PVT1: variants seen among roughly 807,000 people sequenced by gnomAD.
The protein encoded by PVT1 is Pvt1 oncogene.
intron 4 of PVT1, among the ~76,000 whole-genome samples, chr8:128,010,798 G>T: frequency 6.6e-6 from 1 of 152,170 alleles, no homozygotes; most frequent in East Asian, 1.9e-4. Context: ...GTCCCGTCTT[G>T]TTGAATCACA....
At chr8:127,983,509 GA>G (rs1012855955) in intron 3 of PVT1, among the ~76,000 whole-genome samples, 3 of 151,942 alleles carry the variant, frequency 2.0e-5, no homozygotes, top group Admixed American at 6.6e-5. Flanking sequence ...AAAACTTGCA[GA>G]AAAAAATTAT....
At chr8:127,799,681 C>T (rs1272132886) in intron 2 of PVT1, among the ~76,000 whole-genome samples, 1 of 152,130 alleles carries the variant, frequency 6.6e-6, no homozygotes, top group Non-Finnish European at 1.5e-5. Flanking sequence ...AAATGGTTTG[C>T]TGTGATGACG....
At chr8:127,822,191 G>T (rs1349474163) in intron 2 of PVT1, among the ~76,000 whole-genome samples, 1 of 152,226 alleles carries the variant, frequency 6.6e-6, no homozygotes, top group Non-Finnish European at 1.5e-5. Flanking sequence ...GGTTGTTGTA[G>T]TTGTTACTTT....
chr8:127,831,699 CCTT>C (rs1814852537), intron 2 of PVT1, among the ~76,000 whole-genome samples: 1 of 152,128 alleles, frequency 6.6e-6, no homozygotes, highest in Non-Finnish European at 1.5e-5. Flanking sequence ...AGAAGGAAGA[CCTT>C]CTTAAGGAAG....
chr8:128,050,042 C>T (rs530662759), intron 4 of PVT1, among the ~76,000 whole-genome samples: 1 of 152,110 alleles, frequency 6.6e-6, no homozygotes, highest in South Asian at 2.1e-4. Context: ...CCATTGGAGA[C>T]ACGTGCTCTG....
intron 3 of PVT1, among the ~76,000 whole-genome samples, chr8:127,895,191 C>G (rs112828685): frequency 5.2e-4 from 79 of 152,290 alleles, no homozygotes; most frequent in African/African-American, 1.7e-3. Flanking sequence ...AAGATAAGGG[C>G]TGAGCACAGT....
At chr8:127,923,168 G>T (rs931699706) in intron 3 of PVT1, among the ~76,000 whole-genome samples, 2 of 152,242 alleles carry the variant, frequency 1.3e-5, no homozygotes, top group African/African-American at 2.4e-5. Context: ...AGACAAGTGA[G>T]GTTTAGAGTT....
intron 4 of PVT1, among the ~76,000 whole-genome samples, chr8:128,044,623 T>A (rs1813590577): frequency 1.3e-5 from 2 of 152,164 alleles, no homozygotes; most frequent in South Asian, 4.1e-4. Context: ...TCAGTAAATG[T>A]TAAATAAAGG....
intron 4 of PVT1, among the ~76,000 whole-genome samples, chr8:127,995,994 G>C (rs181300429): frequency 1.3e-5 from 2 of 152,050 alleles, no homozygotes; most frequent in Admixed American, 1.3e-4. Context: ...ACACATTTGG[G>C]TATCTCCATC....
rs574736050 is a variant in PVT1 at position 127,941,386 on chromosome 8, A to T, written n.783-47776A>T. ...TTCACAGGTTCCAGGAAATTCCGAC[A>T]TGGGCATCTCTTTGATTGGAATGAG... On this transcript the variant is annotated intron_variant and non_coding_transcript_variant, in intron 3 of 10. Transcript: ENST00000651587. Among the ~76,000 whole-genome samples, 3 of 151,992 alleles carry T rather than the reference A, an allele frequency of 2.0e-5. No homozygotes were observed. In the East Asian group the frequency reaches 5.8e-4, roughly 29 times the overall value.
At chr8:128,088,597 T>G (rs1423694686) in intron 5 of PVT1, among the ~76,000 whole-genome samples, 1 of 152,268 alleles carries the variant, frequency 6.6e-6, no homozygotes, top group Non-Finnish European at 1.5e-5. Flanking sequence ...GTAGATGCTG[T>G]GCACGACTTC....
chr8:128,047,211 G>A (rs1048299910), intron 4 of PVT1, among the ~76,000 whole-genome samples: 1 of 152,136 alleles, frequency 6.6e-6, no homozygotes, highest in African/African-American at 2.4e-5. Context: ...GCTAGCCTTG[G>A]GCTTTCTGTG....
At chr8:128,073,118 C>A (rs1814018791) in intron 5 of PVT1, among the ~76,000 whole-genome samples, 1 of 152,064 alleles carries the variant, frequency 6.6e-6, no homozygotes. Flanking sequence ...CAGGCGTGAA[C>A]CACCGCACCC....
At chr8:128,011,928 G>T (rs1183817891) in intron 4 of PVT1, among the ~76,000 whole-genome samples, 2 of 152,156 alleles carry the variant, frequency 1.3e-5, no homozygotes, top group Admixed American at 1.3e-4. Context: ...CACAGGGACT[G>T]TATTACTACT....
intron 4 of PVT1, among the ~76,000 whole-genome samples, chr8:128,064,347 G>T (rs1586504375): frequency 6.6e-6 from 1 of 152,238 alleles, no homozygotes; most frequent in African/African-American, 2.4e-5. Flanking sequence ...CACGTGGGCA[G>T]AAGCACATTT....
intron 4 of PVT1, among the ~76,000 whole-genome samples, chr8:128,041,197 G>A (rs1488550529): frequency 6.0e-5 from 5 of 83,754 alleles, no homozygotes; most frequent in South Asian, 4.3e-4. Flanking sequence ...GCTTGTGTTC[G>A]TGTGTTTGCA....
chr8:127,925,480 A>G (rs144757395), intron 3 of PVT1, among the ~76,000 whole-genome samples: 17 of 152,374 alleles, frequency 1.1e-4, no homozygotes, highest in East Asian at 5.8e-4. Context: ...GGATGTTACA[A>G]TGTGTTCAGT....
chr8:127,981,185 G>A (rs1047897236), intron 3 of PVT1, among the ~76,000 whole-genome samples: 1 of 152,196 alleles, frequency 6.6e-6, no homozygotes, highest in Non-Finnish European at 1.5e-5. Context: ...TCCTAGCAGG[G>A]AGGATGAGAT....
intron 4 of PVT1, among the ~76,000 whole-genome samples, chr8:128,007,296 T>C (rs1817258295): frequency 6.6e-6 from 1 of 152,224 alleles, no homozygotes; most frequent in Non-Finnish European, 1.5e-5. Context: ...CTAAAGTTAA[T>C]TTCCTGACAC....
Sources: gnomAD v4.1 joint callset for allele counts (sites outside exome capture counted in the v4.1 genomes callset) on GRCh38, gnomAD v4.1.1 for gene constraint, MANE v1.5 for transcripts, NCBI Gene and HGNC (gene_info 2026-07-23, HGNC 2026-07-21) for gene names.